Variants in RIMS2 observed in about 807,000 individuals in gnomAD.
RIMS2 encodes regulating synaptic membrane exocytosis 2, also known as regulating synaptic membrane exocytosis protein 2.
A neutral mutation model predicts 174.4 loss-of-function variants in RIMS2; 59 were observed. The observed-to-expected ratio is 0.34, with a 90% CI of 0.27 to 0.42. The LOEUF (loss-of-function observed/expected upper bound fraction) is 0.42. RIMS2 is among the 10% of genes least tolerant of loss of function. The probability of loss-of-function intolerance (pLI) is 1.00; values close to 1 mark genes in which losing one functional copy is unlikely to be tolerated. For missense variants in RIMS2, 1,620 were observed against 1,666.3 expected (o/e 0.97, Z 0.48); for synonymous variants, 606 against 572.5 (o/e 1.06, Z -0.84).
chr8:104,050,327 T>C (rs2096765270), intron 19 of RIMS2, among the ~76,000 whole-genome samples: 1 of 152,146 alleles, frequency 6.6e-6, no homozygotes, highest in Non-Finnish European at 1.5e-5. Context: ...GGAAATTCTC[T>C]TTTTGAGAGA....
chr8:103,978,360 T>C (rs182553533), intron 16 of RIMS2, among the ~76,000 whole-genome samples: 1 of 150,304 alleles, frequency 6.7e-6, no homozygotes, highest in East Asian at 1.9e-4. Context: ...GCAAAAATGG[T>C]AGTCAGAGGA....
At chr8:103,760,660 A>T (rs905075340) in intron 2 of RIMS2, among the ~76,000 whole-genome samples, 3 of 152,140 alleles carry the variant, frequency 2.0e-5, no homozygotes. Context: ...TTTTTTTCCA[A>T]ACACAATGTG....
intron 19 of RIMS2, among the ~76,000 whole-genome samples, chr8:104,038,185 G>A (rs561501657): frequency 5.0e-4 from 76 of 151,996 alleles, no homozygotes; most frequent in African/African-American, 1.7e-3. Context: ...ATAATTTACC[G>A]TAAGTGATGA....
intron 1 of RIMS2, among the ~76,000 whole-genome samples, chr8:103,601,507 A>G (rs7817973): frequency 0.18 from 27,539 of 151,840 alleles, 2,702 homozygotes; most frequent in African/African-American, 0.25. Flanking sequence ...TTTGGTTTCC[A>G]TTGGCATGGA....
chr8:103,608,747 C>T (rs1431598015), intron 1 of RIMS2, among the ~76,000 whole-genome samples: 7 of 152,140 alleles, frequency 4.6e-5, no homozygotes, highest in Non-Finnish European at 7.3e-5. Context: ...GGGAGTGACC[C>T]GATTTTCCAG....
chr8:103,822,857 CATT>C (rs561496998), intron 3 of RIMS2, among the ~76,000 whole-genome samples: 17 of 151,834 alleles, frequency 1.1e-4, no homozygotes, highest in Non-Finnish European at 2.2e-4. Flanking sequence ...ATGCTTTTGT[CATT>C]AGTAAAAAAA....
chr8:104,194,067 C>A (rs544198544), intron 19 of RIMS2, among the ~76,000 whole-genome samples: 1 of 152,300 alleles, frequency 6.6e-6, no homozygotes, highest in African/African-American at 2.4e-5. Context: ...TGGTCTTTTT[C>A]ACAATGGCTA....
intron 2 of RIMS2, among the ~76,000 whole-genome samples, chr8:103,718,415 A>G (rs978522969): frequency 1.3e-5 from 2 of 152,158 alleles, no homozygotes; most frequent in Admixed American, 6.5e-5. Flanking sequence ...TGTATTGGGA[A>G]CAGGTGTAAT....
intron 19 of RIMS2, among the ~76,000 whole-genome samples, chr8:104,207,258 CA>C (rs1264108854): frequency 2.0e-5 from 3 of 152,114 alleles, no homozygotes; most frequent in African/African-American, 4.8e-5. Context: ...TGTCTTTGTC[CA>C]GCTGCAGAGC....
intron 19 of RIMS2, among the ~76,000 whole-genome samples, chr8:104,096,730 T>C (rs2097768973): frequency 6.6e-6 from 1 of 151,830 alleles, no homozygotes; most frequent in Admixed American, 6.6e-5. Flanking sequence ...TAGCTGGGCG[T>C]GGTGGTGTGC....
intron 19 of RIMS2, among the ~76,000 whole-genome samples, chr8:104,075,335 A>G (rs1328487714): frequency 2.0e-5 from 3 of 152,206 alleles, no homozygotes. Context: ...TTTAAATAGA[A>G]AGTAATGAAT....
At chr8:104,091,280 TATA>T (rs2097651815) in intron 19 of RIMS2, among the ~76,000 whole-genome samples, 1 of 151,784 alleles carries the variant, frequency 6.6e-6, no homozygotes, top group African/African-American at 2.4e-5. Context: ...ATTTAGATGA[TATA>T]ATAATCCCAT....
chr8:104,004,378 G>A (rs547182897), intron 17 of RIMS2, among the ~76,000 whole-genome samples: 4 of 152,074 alleles, frequency 2.6e-5, no homozygotes, highest in African/African-American at 4.8e-5. Context: ...GTGGAATGAC[G>A]AGAGCTAAAG....
chr8:104,095,353 A>G (rs570930366), intron 19 of RIMS2, among the ~76,000 whole-genome samples: 14 of 152,298 alleles, frequency 9.2e-5, no homozygotes, highest in African/African-American at 3.4e-4. Context: ...ATACTCTGAA[A>G]AGAAAGAATA....
chr8:104,106,037 CAAAAAAAAAAAAA>C (rs575916023), intron 19 of RIMS2, among the ~76,000 whole-genome samples: 3 of 56,914 alleles, frequency 5.3e-5, no homozygotes, highest in African/African-American at 1.8e-4. Context: ...GACTCTGCCA[CAAAAAAAAAAAAA>C]AAAAAAAAAA....
At chr8:103,635,936 T>A (rs780302903) in intron 1 of RIMS2, among the ~76,000 whole-genome samples, 2 of 152,008 alleles carry the variant, frequency 1.3e-5, no homozygotes, top group African/African-American at 2.4e-5. Context: ...GAGGCCTTAG[T>A]TGGGAGGTCT....
chr8:103,508,457 TAAA>T (rs3042459), intron 1 of RIMS2, among the ~76,000 whole-genome samples: 283 of 141,128 alleles, frequency 2.0e-3, no homozygotes, highest in East Asian at 3.7e-3. Context: ...TTTCATTTGT[TAAA>T]AAAAAAAAAA....
intron 1 of RIMS2, among the ~76,000 whole-genome samples, chr8:103,617,562 G>A (rs1433247955): frequency 6.6e-6 from 1 of 152,138 alleles, no homozygotes; most frequent in Non-Finnish European, 1.5e-5. Context: ...TATCAACAGA[G>A]TAAACAGACA....
At chr8:103,816,986 A>T (rs1334325083) in intron 3 of RIMS2, among the ~76,000 whole-genome samples, 2 of 152,210 alleles carry the variant, frequency 1.3e-5, no homozygotes, top group Non-Finnish European at 2.9e-5. Flanking sequence ...CTGATTATTT[A>T]TAAAAATTAA....
Sources: allele counts gnomAD v4.1 joint callset (sites outside exome capture counted in the v4.1 genomes callset), GRCh38; gene constraint gnomAD v4.1.1; transcripts MANE v1.5; gene names NCBI Gene and HGNC (gene_info 2026-07-23, HGNC 2026-07-21).